The following LRATD1 variants were observed in gnomAD, a reference collection of about 807,000 sequenced individuals.
LRATD1 encodes the protein LRAT domain containing 1.
Under a neutral mutation model 21.3 loss-of-function variants are expected in LRATD1, and 8 were observed. That is an observed-to-expected ratio of 0.38 (90% CI 0.22 to 0.68). The LOEUF is 0.68. Ranked by LOEUF, LRATD1 falls within the 30% of genes least tolerant of loss-of-function variation. LRATD1 has a pLI of 0.54. For missense variants in LRATD1, 380 were observed against 404.0 expected (o/e 0.94, Z 0.51); for synonymous variants, 210 against 186.2 (o/e 1.13, Z -1.04).
chr2:14,640,146 G>A (rs1205969378), downstream of LRATD1: 1 of 165,984 alleles, frequency 6.0e-6, no homozygotes, highest in Non-Finnish European at 1.5e-5. Context: ...ACCTCAAGGA[G>A]AGATTTTTCT....
At chr2:14,641,082 G>C (rs1243798740), downstream of LRATD1, among the ~76,000 whole-genome samples, 1 of 152,142 alleles carries the variant, frequency 6.6e-6, no homozygotes, top group South Asian at 2.1e-4. Flanking sequence ...AAATGTAAGT[G>C]CATGTCCAGT....
rs1671907351 is a variant in LRATD1 at position 14,647,007 on chromosome 2, A to G, written n.436+542A>G. 2.0e-5 allele frequency among the ~76,000 whole-genome samples: 3 copies of G among 152,302 alleles called. No homozygotes were observed. The South Asian group carries it at 6.2e-4, about 32-fold the overall frequency. On this transcript the variant is annotated intron_variant and non_coding_transcript_variant, in intron 4 of 5. Coordinates refer to the LRATD1 transcript ENST00000464947. Reference sequence around the variant, plus strand: ...TGGGAAAGGACATTGGACTTGAAAAACACGTGGCTACACATCCAACTCTTT... The same window carrying G: ...TGGGAAAGGACATTGGACTTGAAAAGCACGTGGCTACACATCCAACTCTTT...
At chr2:14,649,655 G>A (rs933208044), downstream of LRATD1, 8 of 276,336 alleles carry the variant, frequency 2.9e-5, no homozygotes, top group African/African-American at 8.7e-5. Flanking sequence ...GAAGCCCTTT[G>A]TGCTAGGCCT....
Position 14,635,612 on chromosome 2 carries a change from C to G in LRATD1, c.*754C>G, listed in dbSNP as rs1314600638. 3 of 471,012 alleles carry G rather than the reference C, an allele frequency of 6.4e-6. No individual in the cohort carries two copies. Among genetic ancestry groups the G allele is most frequent in the South Asian group, 1.5e-5 (1 of 64,558 alleles). The allele number at this position is 471,012 out of a possible 1,614,324, so 29.2% of individuals were successfully genotyped here. A position where few individuals can be genotyped will look rare whatever the true frequency, so the allele number is the denominator to read the frequency against. On this transcript the variant is annotated 3_prime_UTR_variant, in exon 2 of 2. Coordinates refer to ENST00000295092, the MANE Select transcript of LRATD1 (RefSeq NM_145175.4). Reference sequence around the variant, plus strand: ...CTCGCTGGCAGAAGGGAAGCCGGCCCGGTCCCGGGAGGAAGATGGCGCTGC... The same window carrying G: ...CTCGCTGGCAGAAGGGAAGCCGGCCGGGTCCCGGGAGGAAGATGGCGCTGC...
intron 4 of LRATD1, among the ~76,000 whole-genome samples, chr2:14,647,284 G>A (rs1671912236): frequency 1.3e-5 from 2 of 152,130 alleles, no homozygotes; most frequent in South Asian, 4.1e-4. Context: ...CTTTATAGGT[G>A]ATAAATCTTT....
downstream of LRATD1, chr2:14,641,996 T>C (rs1671811061): frequency 6.6e-6 from 1 of 152,226 alleles, no homozygotes; most frequent in East Asian, 1.9e-4. Flanking sequence ...GCTCTGTGAC[T>C]TGCTCTTTTT....
In LRATD1 at chr2:14,638,714, A is replaced by G. The variant is rs1671745311; in HGVS notation, c.*3856A>G. 1 of 167,038 alleles carries G rather than the reference A, an allele frequency of 6.0e-6. No homozygotes were observed. Among genetic ancestry groups the G allele is most frequent in the African/African-American group, 2.4e-5 (1 of 41,450 alleles). The allele number at this position is 167,038 out of a possible 1,614,324, so 10.3% of individuals were successfully genotyped here. A position where few individuals can be genotyped will look rare whatever the true frequency, so the allele number is the denominator to read the frequency against. ...TTAATACTTATTGCACAATCATAAT[A>G]TAGCAACCTAATTTTCTTTTATTTA... On this transcript the variant is annotated 3_prime_UTR_variant, in exon 2 of 2. Coordinates refer to ENST00000295092, the MANE Select transcript of LRATD1 (RefSeq NM_145175.4).
In LRATD1 at chr2:14,635,278, C is replaced by G; in HGVS notation, c.*420C>G. Reference sequence around the variant, plus strand: ...ACCATCACCGCCCCGAGCGTGCGCACACAGACCGGTCGGAGGCGAGAACTG... The same window carrying G: ...ACCATCACCGCCCCGAGCGTGCGCAGACAGACCGGTCGGAGGCGAGAACTG... On this transcript the variant is annotated 3_prime_UTR_variant, in exon 2 of 2. Transcript: ENST00000295092. 1 of 499,400 alleles carries G rather than the reference C, an allele frequency of 2.0e-6. No homozygotes were observed. The highest frequency in any genetic ancestry group is 1.5e-5 in the South Asian group (1 of 64,812). The allele number at this position is 499,400 out of a possible 1,614,324, so 30.9% of individuals were successfully genotyped here.
downstream of LRATD1, chr2:14,650,778 AT>A (rs1210273591): frequency 1.3e-5 from 2 of 152,194 alleles, no homozygotes; most frequent in Non-Finnish European, 2.9e-5. Flanking sequence ...ATTGTTTAGT[AT>A]TGAAAACCAC....
downstream of LRATD1, among the ~76,000 whole-genome samples, chr2:14,651,037 G>A (rs1440790422): frequency 2.0e-5 from 3 of 151,900 alleles, no homozygotes; most frequent in Non-Finnish European, 4.4e-5. Context: ...TTTTATTTAC[G>A]ATCTTAATTT....
downstream of LRATD1, among the ~76,000 whole-genome samples, chr2:14,640,891 A>G (rs1671796473): frequency 6.6e-6 from 1 of 152,172 alleles, no homozygotes; most frequent in African/African-American, 2.4e-5. Context: ...GGTCTGAGCT[A>G]GAGGGAGGCA....
chr2:14,642,031 C>A (rs372827296), downstream of LRATD1: 5 of 152,128 alleles, frequency 3.3e-5, no homozygotes, highest in South Asian at 2.1e-4. Context: ...CTAACACTTG[C>A]AGTAGGTGCT....
chr2:14,642,107 T>C (rs531003723), downstream of LRATD1: 35 of 152,682 alleles, frequency 2.3e-4, no homozygotes, highest in Admixed American at 1.9e-3. Context: ...GCCCAGCATC[T>C]ATCTAGGAGG....
In LRATD1 at chr2:14,634,098, A is replaced by T; in HGVS notation, c.119A>T (p.Asp40Val). 6.2e-7 allele frequency: 1 copy of T among 1,614,098 alleles called. No individual in the cohort carries two copies. The highest frequency in any genetic ancestry group is 8.5e-7 in the Non-Finnish European group (1 of 1,180,022). The change falls in exon 2 of 2, where the codon GAT (aspartate) becomes GTT (valine). Residue 40 changes from aspartate to valine, a missense_variant. By Grantham distance (152) the Asp-to-Val change is radical. Transcript: ENST00000295092. ...GGGGTTGCCTACTTCTTCTCGGATGATGAGGAAGACCTGGACGAACGCGGG... is the reference window on the plus strand; with the variant it reads ...GGGGTTGCCTACTTCTTCTCGGATGTTGAGGAAGACCTGGACGAACGCGGG... ...RVGVAYFFSD[D>V]EEDLDERGQP...
Position 14,633,893 on chromosome 2 carries a change from A to G in LRATD1, c.-36-51A>G. The G allele has an allele frequency of 6.7e-7, 1 of 1,494,550 alleles. No homozygotes were observed. Among genetic ancestry groups the G allele is most frequent in the Non-Finnish European group, 9.0e-7 (1 of 1,110,990 alleles). 92.6% of individuals were successfully genotyped at this position (1,494,550 alleles called of 1,614,324 possible). A position where few individuals can be genotyped will look rare whatever the true frequency, so the allele number is the denominator to read the frequency against. Reference sequence around the variant, plus strand: ...TGCACGTCTTGGGGAGGGACACCGAAAGGGGCAGCCCGGACTCTGACGGTG... The same window carrying G: ...TGCACGTCTTGGGGAGGGACACCGAGAGGGGCAGCCCGGACTCTGACGGTG... On this transcript the variant is annotated intron_variant, in intron 1 of 1. Transcript: ENST00000295092. The surrounding 1 kb of genome is among the most constrained non-coding windows in gnomAD (Gnocchi z 7.5).
chr2:14,640,002 C>T lies in LRATD1; in HGVS notation c.*5144C>T, dbSNP rs1163879136. 6.0e-6 allele frequency: 1 copy of T among 167,082 alleles called. No homozygotes were observed. The highest frequency in any genetic ancestry group is 1.5e-5 in the Non-Finnish European group (1 of 68,110). 10.3% of individuals were successfully genotyped at this position (167,082 alleles called of 1,614,324 possible). A position where few individuals can be genotyped will look rare whatever the true frequency, so the allele number is the denominator to read the frequency against. On this transcript the variant is annotated 3_prime_UTR_variant, in exon 2 of 2. Coordinates refer to ENST00000295092, the MANE Select transcript of LRATD1 (RefSeq NM_145175.4). ...AAGGGTATTTGTAATATTTGATTTGCTTTTAGCAGAGAAAACAATAAAAGA... is the reference window on the plus strand; with the variant it reads ...AAGGGTATTTGTAATATTTGATTTGTTTTTAGCAGAGAAAACAATAAAAGA...
rs756473710 is a variant in LRATD1, at chr2:14,634,815, G to A, written c.836G>A (p.Arg279Gln). The change falls in exon 2 of 2, where the codon CGA (arginine) becomes CAA (glutamine). Residue 279 changes from arginine to glutamine, a missense_variant. Physicochemically the swap from Arg to Gln is conservative, Grantham distance 43. Coordinates refer to ENST00000295092, the MANE Select transcript of LRATD1 (RefSeq NM_145175.4). ...KRRIDASGRL[R>Q]VLQELADLVD... ...CGTATCGACGCCAGCGGCCGCCTGC[G>A]AGTGCTCCAGGAGCTCGCCGACCTC... is the stretch of plus-strand genomic sequence containing the variant. The A allele has an allele frequency of 6.2e-7, 1 of 1,608,266 alleles. No individual in the cohort carries two copies. The highest frequency in any genetic ancestry group is 1.7e-5 in the Admixed American group (1 of 59,496).
In LRATD1 at chr2:14,634,570, C is replaced by T. The variant is rs773972787; in HGVS notation, c.591C>T (p.Cys197=). The change falls in exon 2 of 2, where the codon TGC becomes TGT. Residue 197 remains cysteine, a synonymous_variant. Transcript: ENST00000295092. ...LVAELVVQNA[C]GHLGLKSEEI... ...CCGAGCTGGTGGTGCAGAACGCCTG[C>T]GGCCACCTGGGCCTCAAGAGCGAGG... The T allele has an allele frequency of 1.4e-5, 21 of 1,492,764 alleles. No individual in the cohort carries two copies. Among genetic ancestry groups the T allele is most frequent in the Non-Finnish European group, 1.7e-5 (19 of 1,119,634 alleles). 92.5% of individuals were successfully genotyped at this position (1,492,764 alleles called of 1,614,324 possible).
chr2:14,640,941 T>A (rs1414435228), downstream of LRATD1, among the ~76,000 whole-genome samples: 1 of 152,190 alleles, frequency 6.6e-6, no homozygotes, highest in Non-Finnish European at 1.5e-5. Flanking sequence ...CAAATAAAAA[T>A]ACAGGATGCT....
Sources: gnomAD v4.1 joint callset for allele counts (sites outside exome capture counted in the v4.1 genomes callset) on GRCh38, gnomAD v4.1.1 for gene constraint, Gnocchi (gnomAD v3.1) non-coding constraint, MANE v1.5 for transcripts, NCBI Gene and HGNC (gene_info 2026-07-23, HGNC 2026-07-21) for gene names.